Variants in USP30 observed in about 807,000 individuals in gnomAD.
USP30 encodes the protein ubiquitin carboxyl-terminal hydrolase 30.
USP30 carries 41 observed loss-of-function variants against 68.2 expected under a neutral mutation model. The observed-to-expected ratio is 0.60, with a 90% CI of 0.47 to 0.78. USP30 has a LOEUF of 0.78. USP30 is among the 30% of genes least tolerant of loss of function. USP30 has a pLI of 0.00. For missense variants in USP30, 522 were observed against 649.4 expected (o/e 0.80, Z 2.13); for synonymous variants, 229 against 253.7 (o/e 0.90, Z 0.93).
intron 3 of USP30, among the ~76,000 whole-genome samples, chr12:109,036,093 G>A (rs916339023): frequency 2.0e-5 from 3 of 152,212 alleles, no homozygotes; most frequent in Non-Finnish European, 4.4e-5. Flanking sequence ...CCAAGAGGTT[G>A]AGGCTGAAGT....
chr12:109,085,961 GGCACTGTCT>G lies in USP30; in HGVS notation c.*39_*47del, dbSNP rs751853440. 11 of 1,604,376 alleles carry G rather than the reference GGCACTGTCT, an allele frequency of 6.9e-6. No individual in the cohort carries two copies. In the South Asian group the frequency reaches 7.8e-5, roughly 11 times the overall value. ...GCCCTCCTGCAAGGCTAGAGCTGAT[GGCACTGTCT>G]GCACTGTCCAGGAAAAAAGTAAAAC... On this transcript the variant is annotated 3_prime_UTR_variant, in exon 13 of 13. Coordinates refer to ENST00000257548, the MANE Select transcript of USP30 (RefSeq NM_032663.5).
rs2040437117 is a variant in USP30, at chr12:109,025,319, C to T, written c.-228+247C>T. On this transcript the variant is annotated intron_variant, in intron 2 of 15. Transcript: ENST00000392784. ...CCTTCATGTATTATATGAGAGATACCTTATATTTATATCTATGTAATATAT... is the reference window on the plus strand; with the variant it reads ...CCTTCATGTATTATATGAGAGATACTTTATATTTATATCTATGTAATATAT... 2.6e-5 allele frequency among the ~76,000 whole-genome samples: 4 copies of T among 151,846 alleles called. No homozygotes were observed. In the South Asian group the frequency reaches 8.3e-4, roughly 32 times the overall value.
intron 3 of USP30, among the ~76,000 whole-genome samples, chr12:109,032,761 T>TA (rs2040491498): frequency 6.6e-6 from 1 of 152,146 alleles, no homozygotes; most frequent in Non-Finnish European, 1.5e-5. Context: ...GAATATACTT[T>TA]AAAAAACCCC....
intron 1 of USP30, chr12:109,054,085 A>C: frequency 2.2e-6 from 1 of 455,602 alleles, no homozygotes; most frequent in Non-Finnish European, 4.4e-6. Flanking sequence ...GTACCCTTAA[A>C]TATTAGTGTT....
At position 109,086,969 on chromosome 12, in the gene USP30, C is replaced by A. The variant is rs1364895628; in HGVS notation, c.*1038C>A. The A allele has an allele frequency of 6.6e-6, 1 of 151,996 alleles. No homozygotes were observed. Among genetic ancestry groups the A allele is most frequent in the Non-Finnish European group, 1.5e-5 (1 of 68,012 alleles). The allele number at this position is 151,996 out of a possible 1,614,324, so 9.4% of individuals were successfully genotyped here. ...AGATTTGATGACCACCAAAGTTCAG[C>A]CCTTTTCACGAAAAGGAGAAAGCAG... On this transcript the variant is annotated 3_prime_UTR_variant, in exon 13 of 13. Coordinates refer to ENST00000257548, the MANE Select transcript of USP30 (RefSeq NM_032663.5).
At chr12:109,058,281 A>C (rs559202957) in intron 3 of USP30, among the ~76,000 whole-genome samples, 173 bp downstream of exon 3, 7 of 152,304 alleles carry the variant, frequency 4.6e-5, no homozygotes, top group African/African-American at 1.7e-4. Flanking sequence ...TTAAAAATCA[A>C]AGATGGAGGC....
intron 3 of USP30, among the ~76,000 whole-genome samples, chr12:109,043,404 T>C (rs1014436693): frequency 1.3e-5 from 2 of 152,110 alleles, no homozygotes; most frequent in Admixed American, 1.3e-4. Flanking sequence ...TATAGACCAA[T>C]GAAGCCCAAA....
chr12:109,042,826 T>C (rs890738484), intron 3 of USP30, among the ~76,000 whole-genome samples: 8 of 152,166 alleles, frequency 5.3e-5, no homozygotes, highest in Non-Finnish European at 1.0e-4. Flanking sequence ...TGTTTTCAGA[T>C]GATATGATTT....
intron 9 of USP30, 40 bp downstream of exon 9, chr12:109,082,059 T>C (rs1174649318): frequency 1.2e-6 from 2 of 1,601,672 alleles, no homozygotes; most frequent in African/African-American, 1.3e-5. Context: ...AGCTGGCCTG[T>C]GTGTGCTGAT....
upstream of USP30, among the ~76,000 whole-genome samples, chr12:109,049,067 T>C (rs2040634348): frequency 6.6e-6 from 1 of 152,224 alleles, no homozygotes; most frequent in Non-Finnish European, 1.5e-5. Context: ...ATTCAGTCAG[T>C]TGGCGGGGCT....
intron 11 of USP30, 59 bp downstream of exon 11, chr12:109,083,121 G>A: frequency 1.3e-6 from 2 of 1,509,930 alleles, no homozygotes; most frequent in Admixed American, 2.1e-5. Flanking sequence ...AAAGCAGTTT[G>A]GCATCACCAC....
Position 109,085,894 on chromosome 12 carries a change from T to C in USP30, c.1517T>C (p.Met506Thr). The change falls in exon 13 of 13, where the codon ATG (methionine) becomes ACG (threonine). Residue 506 changes from methionine (M) to threonine (T), a missense_variant. Coordinates refer to ENST00000257548, the MANE Select transcript of USP30 (RefSeq NM_032663.5). Reference sequence around the variant, plus strand: ...TTCTACGAGCGCGTCCTTTCCAGGATGCAGCACCAGAGCCAGGAGTGCAAG... The same window carrying C: ...TTCTACGAGCGCGTCCTTTCCAGGACGCAGCACCAGAGCCAGGAGTGCAAG... ...LLFYERVLSRMQHQSQECKSE... is the reference protein window; with the variant it reads ...LLFYERVLSRTQHQSQECKSE... 6.2e-7 allele frequency: 1 copy of C among 1,614,154 alleles called. No homozygotes were observed. The highest frequency in any genetic ancestry group is 8.5e-7 in the Non-Finnish European group (1 of 1,179,988).
chr12:109,073,610 G>A (rs1417059149), intron 7 of USP30, 78 bp downstream of exon 7: 1 of 1,284,134 alleles, frequency 7.8e-7, no homozygotes, highest in Non-Finnish European at 1.1e-6. Context: ...CCTAGAGAGT[G>A]GGCTGACATC....
chr12:109,079,351 CTTTTTTTTTTTTTTTT>C (rs71079521), intron 7 of USP30, among the ~76,000 whole-genome samples: 1 of 48,760 alleles, frequency 2.1e-5, no homozygotes, highest in Non-Finnish European at 3.6e-5. Context: ...TTTTTTTTTT[CTTTTTTTTTTTTTTTT>C]TTTTTTTTTT....
chr12:109,057,923 TA>T lies in USP30; in HGVS notation c.194-2del. The T allele has an allele frequency of 6.2e-7, 1 of 1,609,250 alleles. No homozygotes were observed. The highest frequency in any genetic ancestry group is 8.5e-7 in the Non-Finnish European group (1 of 1,178,376). ...TCTCTTCTTCCCCCTGCTTTTTTTTTAGGGCTTGTGCCTGGCCTTGTTAATT... is the reference window on the plus strand; with the variant it reads ...TCTCTTCTTCCCCCTGCTTTTTTTTTGGGCTTGTGCCTGGCCTTGTTAATT... On this transcript the variant is annotated splice_acceptor_variant, in intron 2 of 12. Transcript: ENST00000257548. LOFTEE classifies it high-confidence loss of function.
At chr12:109,082,412 T>G in intron 9 of USP30, 1 of 557,204 alleles carries the variant, frequency 1.8e-6, no homozygotes, top group Non-Finnish European at 3.2e-6. Context: ...AGAGAACAAT[T>G]AATAGATGAC....
chr12:109,032,113 A>C (rs1001221916), intron 3 of USP30, among the ~76,000 whole-genome samples: 2 of 138,776 alleles, frequency 1.4e-5, no homozygotes, highest in Admixed American at 7.3e-5. Context: ...AAAAAAAAAA[A>C]CACGGGCAAC....
chr12:109,072,385 T>G lies in USP30; in HGVS notation c.625+35T>G, dbSNP rs1593276835. 4 of 1,593,706 alleles carry G rather than the reference T, an allele frequency of 2.5e-6. No homozygotes were observed. The East Asian group carries it at 8.9e-5, about 36-fold the overall frequency. On this transcript the variant is annotated intron_variant, in intron 6 of 12. Transcript: ENST00000257548. ...TTCCATTGAAATATAACACATAAGA[T>G]GTGGACTTTTAAGATATGATAATAA...
intron 2 of USP30, among the ~76,000 whole-genome samples, chr12:109,025,812 C>T (rs927639793): frequency 7.3e-5 from 11 of 151,610 alleles, no homozygotes; most frequent in African/African-American, 1.7e-4. Context: ...CTCAGCCTCC[C>T]GAGTAGCTAG....
Sources: gnomAD v4.1 joint callset for allele counts (sites outside exome capture counted in the v4.1 genomes callset) on GRCh38, gnomAD v4.1.1 for gene constraint, MANE v1.5 for transcripts, NCBI Gene and HGNC (gene_info 2026-07-23, HGNC 2026-07-21) for gene names.